MYOF: variants seen among roughly 807,000 people sequenced by gnomAD.
MYOF encodes myoferlin, also known as fer-1-like 3, myoferlin.
In MYOF, 244 loss-of-function variants were observed where a neutral mutation model predicts 284.2. That is an observed-to-expected ratio of 0.86 (90% CI 0.77 to 0.95). The LOEUF (loss-of-function observed/expected upper bound fraction) is 0.95. Among genes scored for constraint, MYOF ranks in the 40% least tolerant of loss-of-function variants. MYOF has a pLI of 0.00. For synonymous variants in MYOF, 904 were observed against 919.7 expected, an observed-to-expected ratio of 0.98 and a Z score of 0.31; for missense variants, 2,496 against 2,560.6, an observed-to-expected ratio of 0.97 and a Z score of 0.54.
chr10:93,328,619 G>GA lies in MYOF; in HGVS notation c.5131+143dup. ...ACACTTGACAAGACAGCAGAACTCT[G>GA]ACGTGGCTGTTGTTAGTGTCACGTG... On this transcript the variant is annotated intron_variant, in intron 45 of 53. Coordinates refer to ENST00000359263, the MANE Select transcript of MYOF (RefSeq NM_013451.4). 4 of 758,554 alleles carry GA rather than the reference G, an allele frequency of 5.3e-6. 1 individual carries two copies. Among genetic ancestry groups the GA allele is most frequent in the Middle Eastern group, 7.9e-4 (2 of 2,530 alleles). 47.0% of individuals were successfully genotyped at this position (758,554 alleles called of 1,614,324 possible).
At chr10:93,349,002 C>G (rs116238757) in intron 36 of MYOF, among the ~76,000 whole-genome samples, 1 of 152,086 alleles carries the variant, frequency 6.6e-6, no homozygotes, top group Non-Finnish European at 1.5e-5. Flanking sequence ...GGTTAAAGCA[C>G]GTGACCCTAG....
chr10:93,314,487 T>A (rs1404510405), intron 50 of MYOF, among the ~76,000 whole-genome samples: 1 of 152,156 alleles, frequency 6.6e-6, no homozygotes. Context: ...GTATCTGTGA[T>A]GTGGGGTCAA....
Position 93,456,915 on chromosome 10 carries a change from T to C in MYOF, c.111A>G (p.Lys37=). ...AGACAGGGTTCAATTCATTATCAACTTTCTTTGTTTTCTTTTTCTCATCTG... is the reference window on the plus strand; with the variant it reads ...AGACAGGGTTCAATTCATTATCAACCTTCTTTGTTTTCTTTTTCTCATCTG... The part of the protein sequence containing the change: ...IFKDEKKKTK[K]VDNELNPVWN... The change falls in exon 2 of 54, where the codon AAA becomes AAG. Residue 37 remains lysine, a synonymous_variant. Transcript: ENST00000359263. 1 of 1,607,674 alleles carries C rather than the reference T, an allele frequency of 6.2e-7. No homozygotes were observed. The highest frequency in any genetic ancestry group is 8.5e-7 in the Non-Finnish European group (1 of 1,178,160).
chr10:93,343,127 C>T (rs960665137), intron 38 of MYOF, among the ~76,000 whole-genome samples: 1 of 152,080 alleles, frequency 6.6e-6, no homozygotes, highest in African/African-American at 2.4e-5. Context: ...CTAGTTTGCA[C>T]ATTAAAACAC....
rs1843457446 is a variant in MYOF at position 93,333,740 on chromosome 10, C to T, written c.4719+18G>A. The T allele has an allele frequency of 4.3e-6, 7 of 1,612,060 alleles. No individual in the cohort carries two copies. The highest frequency in any genetic ancestry group is 5.9e-6 in the Non-Finnish European group (7 of 1,178,428). On this transcript the variant is annotated intron_variant, in intron 42 of 53. Transcript: ENST00000359263. ...AATTATCTTGCTACAGGAGAAGGCC[C>T]CACACCCAAACTCTTACCAGGCCAT... is the stretch of plus-strand genomic sequence containing the variant.
intron 39 of MYOF, chr10:93,338,200 TG>T (rs2133835806): frequency 2.0e-6 from 1 of 490,230 alleles, no homozygotes; most frequent in East Asian, 4.4e-5. Context: ...TCTATTAATT[TG>T]TTGGTTTTTA....
intron 1 of MYOF, among the ~76,000 whole-genome samples, chr10:93,471,105 G>A (rs951419882): frequency 2.0e-5 from 3 of 152,030 alleles, no homozygotes; most frequent in Admixed American, 6.6e-5. Flanking sequence ...AGTGGACCTC[G>A]CCCTGCCAGT....
intron 51 of MYOF, among the ~76,000 whole-genome samples, chr10:93,312,473 G>A (rs1420430695): frequency 6.6e-6 from 1 of 152,082 alleles, no homozygotes; most frequent in Non-Finnish European, 1.5e-5. Context: ...AGCCTCCTAA[G>A]TGTCTGGGAC....
At chr10:93,444,661 T>G (rs1399998417) in intron 3 of MYOF, among the ~76,000 whole-genome samples, 1 of 152,348 alleles carries the variant, frequency 6.6e-6, no homozygotes, top group East Asian at 1.9e-4. Flanking sequence ...CTATTGCAGT[T>G]TGAGGGAAGG....
rs11187390 is a variant in MYOF, at chr10:93,344,034, G to C, written c.4250-102C>G. The C allele has an allele frequency of 9.2e-4, 1,136 of 1,236,770 alleles. 3 individuals carry two copies. The highest frequency in any genetic ancestry group is 1.2e-3 in the Non-Finnish European group (1,019 of 863,072). 76.6% of individuals were successfully genotyped at this position (1,236,770 alleles called of 1,614,324 possible). ...TAACAGCCATAGGGTGGATGGTAGA[G>C]TTTATTCTTGGATGGGACTTACAGA... On this transcript the variant is annotated intron_variant, in intron 37 of 53. Coordinates refer to ENST00000359263, the MANE Select transcript of MYOF (RefSeq NM_013451.4).
rs181781364 is a variant in MYOF at position 93,456,794 on chromosome 10, G to T, written c.144+88C>A. ...GGTGAAATGTAGAGATTCTCCTTCC[G>T]AAGGGAAGAGGTAACCTCTCACCCA... On this transcript the variant is annotated intron_variant, in intron 2 of 53. Coordinates refer to ENST00000359263, the MANE Select transcript of MYOF (RefSeq NM_013451.4). 3.4e-4 allele frequency: 323 copies of T among 958,810 alleles called. 3 individuals are homozygous for T. The highest frequency in any genetic ancestry group is 1.9e-3 in the African/African-American group (118 of 61,104). 59.4% of individuals were successfully genotyped at this position (958,810 alleles called of 1,614,324 possible). A position where few individuals can be genotyped will look rare whatever the true frequency, so the allele number is the denominator to read the frequency against.
chr10:93,457,097 A>C (rs1490529977), intron 1 of MYOF, among the ~76,000 whole-genome samples, 160 bp from the exon 2 acceptor site: 2 of 152,148 alleles, frequency 1.3e-5, no homozygotes, highest in African/African-American at 4.8e-5. Context: ...CAGTTTTCCA[A>C]ATGAAATGGC....
chr10:93,389,301 T>A (rs1846557829), intron 17 of MYOF, 147 bp from the exon 18 acceptor site: 1 of 833,086 alleles, frequency 1.2e-6, no homozygotes, highest in East Asian at 3.1e-5. Context: ...ACCATGAGGT[T>A]TGCCATATTT....
chr10:93,467,340 C>T (rs2057033665), intron 1 of MYOF, among the ~76,000 whole-genome samples: 1 of 137,992 alleles, frequency 7.2e-6, no homozygotes, highest in East Asian at 2.3e-4. Flanking sequence ...CAACAGTCGC[C>T]AGAGTGTGAT....
At position 93,340,183 on chromosome 10, in the gene MYOF, C is replaced by A; in HGVS notation, c.4327-19G>T. 6.2e-7 allele frequency: 1 copy of A among 1,613,888 alleles called. No individual in the cohort carries two copies. The stretch of plus-strand genomic sequence containing the variant: ...CTGTCAGCTGCTCGTGCACATGTCC[C>A]GTGAGGAAGAGGGCAAACCATATAA... On this transcript the variant is annotated intron_variant, in intron 38 of 53. Transcript: ENST00000359263.
intron 48 of MYOF, 50 bp from the exon 49 acceptor site, chr10:93,320,063 G>T (rs773427763): frequency 6.2e-7 from 1 of 1,605,586 alleles, no homozygotes. Flanking sequence ...GACAAGTCAT[G>T]TAGCCGCAAA....
In MYOF at chr10:93,306,482, T is replaced by A. The variant is rs1842100935; in HGVS notation, c.*481A>T. 3 of 153,188 alleles carry A rather than the reference T, an allele frequency of 2.0e-5. No homozygotes were observed. Among genetic ancestry groups the A allele is most frequent in the Non-Finnish European group, 4.4e-5 (3 of 68,794 alleles). The allele number at this position is 153,188 out of a possible 1,614,324, so 9.5% of individuals were successfully genotyped here. On this transcript the variant is annotated 3_prime_UTR_variant, in exon 54 of 54. Transcript: ENST00000359263. ...ATTACAGAGGTTAAATAGACTTTTA[T>A]GACATCCATACAAAATATAGCAATG... is the stretch of plus-strand genomic sequence containing the variant.
intron 31 of MYOF, 85 bp downstream of exon 31, chr10:93,355,543 G>T: frequency 9.4e-7 from 1 of 1,059,134 alleles, no homozygotes; most frequent in Non-Finnish European, 1.4e-6. Flanking sequence ...TCGTACCACT[G>T]CACTCCAGCC....
At chr10:93,319,850 A>G (rs1011496326) in intron 49 of MYOF, 22 bp downstream of exon 49, 5 of 1,613,728 alleles carry the variant, frequency 3.1e-6, no homozygotes, top group Admixed American at 1.7e-5. Flanking sequence ...CCCACTTCCC[A>G]GCGGCATATT....
Sources: allele counts gnomAD v4.1 joint callset (sites outside exome capture counted in the v4.1 genomes callset), GRCh38; gene constraint gnomAD v4.1.1; transcripts MANE v1.5; gene names NCBI Gene and HGNC (gene_info 2026-07-23, HGNC 2026-07-21).